Variants in NCF4 observed in about 807,000 individuals in gnomAD.
NCF4 encodes the protein neutrophil cytosol factor 4.
NCF4 carries 30 observed loss-of-function variants against 41.7 expected under a neutral mutation model. That is an observed-to-expected ratio of 0.72 (90% CI 0.54 to 0.97). The LOEUF (loss-of-function observed/expected upper bound fraction) is 0.97. NCF4 is among the 50% of genes least tolerant of loss of function. NCF4 has a pLI of 0.00. For missense variants in NCF4, 432 were observed against 460.9 expected, an observed-to-expected ratio of 0.94 and a Z score of 0.57; for synonymous variants, 195 against 175.8, an observed-to-expected ratio of 1.11 and a Z score of -0.87.
chr22:36,865,725 G>A lies in NCF4; in HGVS notation c.271+653G>A, dbSNP rs1233386102. On this transcript the variant is annotated intron_variant, in intron 3 of 9. Coordinates refer to ENST00000248899, the MANE Select transcript of NCF4 (RefSeq NM_000631.5). This position sits in a 1 kb window ranked among gnomAD's most constrained non-coding sequence, Gnocchi z 4.3. ...GGGGGTGGTCTCAGCGGCGCCCTTCGTGCCCTGCAAGTTAGAGACAGGGAC... is the reference window on the plus strand; with the variant it reads ...GGGGGTGGTCTCAGCGGCGCCCTTCATGCCCTGCAAGTTAGAGACAGGGAC... 2.6e-5 allele frequency among the ~76,000 whole-genome samples: 4 copies of A among 152,160 alleles called. No homozygotes were observed. Among genetic ancestry groups the A allele is most frequent in the South Asian group, 2.1e-4 (1 of 4,828 alleles).
At chr22:36,870,360 G>A in intron 4 of NCF4, 55 bp from the exon 5 acceptor site, 8 of 1,611,710 alleles carry the variant, frequency 5.0e-6, no homozygotes, top group South Asian at 1.1e-5. Flanking sequence ...CTAGGCTGGG[G>A]TGTCCAGATC....
intron 7 of NCF4, among the ~76,000 whole-genome samples, chr22:36,873,611 G>T (rs1940131630): frequency 6.6e-6 from 1 of 152,128 alleles, no homozygotes; most frequent in African/African-American, 2.4e-5. Flanking sequence ...CTCATGCTTT[G>T]GTTCTGACCC....
rs567611718 is a variant in NCF4, at chr22:36,877,709, C to G, written c.906C>G (p.Asp302Glu). Reference protein sequence around the residue: ...GDLVRLLSDEDVALMVRQARG... With the variant: ...GDLVRLLSDEEVALMVRQARG... ...TGGTTCGGCTGCTGTCGGATGAGGA[C>G]GTAGCGCTCATGGTGCGGCAGGCTC... Residue 302 changes from aspartate (D) to glutamate (E), a missense_variant, in exon 10 of 10, where the codon GAC (aspartate) becomes GAG (glutamate). Coordinates refer to ENST00000248899, the MANE Select transcript of NCF4 (RefSeq NM_000631.5). The G allele has an allele frequency of 6.2e-7, 1 of 1,614,026 alleles. No homozygotes were observed. Among genetic ancestry groups the G allele is most frequent in the Admixed American group, 1.7e-5 (1 of 60,002 alleles).
rs1278286764 is a variant in NCF4 at position 36,875,656 on chromosome 22, A to G, written c.631A>G (p.Thr211Ala). 1.9e-6 allele frequency: 3 copies of G among 1,611,476 alleles called. No individual in the cohort carries two copies. The South Asian group carries it at 3.3e-5, about 18-fold the overall frequency. Reference sequence around the variant, plus strand: ...CATCCCTTCTCTTCCTCTGCAGGGCACTGTCCGGGGAGCCACGGGCATCTT... The same window carrying G: ...CATCCCTTCTCTTCCTCTGCAGGGCGCTGTCCGGGGAGCCACGGGCATCTT... ...SRINKDWLEGTVRGATGIFPL... is the reference protein window; with the variant it reads ...SRINKDWLEGAVRGATGIFPL... The change falls in exon 8 of 10, where the codon ACT becomes GCT. Residue 211 changes from threonine to alanine, a missense_variant. Coordinates refer to ENST00000248899, the MANE Select transcript of NCF4 (RefSeq NM_000631.5).
chr22:36,876,464 A>C (rs570723975), intron 9 of NCF4, among the ~76,000 whole-genome samples: 79 of 152,344 alleles, frequency 5.2e-4, no homozygotes, highest in African/African-American at 1.8e-3. Context: ...CCGCATTGCT[A>C]CATTTCTGAC....
intron 2 of NCF4, 87 bp from the exon 3 acceptor site, chr22:36,864,826 TTCCTCC>T: frequency 1.3e-6 from 2 of 1,483,996 alleles, no homozygotes; most frequent in Non-Finnish European, 1.9e-6. Context: ...CCTCATCATC[TTCCTCC>T]TCCTCCTCCT....
chr22:36,864,202 C>T (rs1470067044), intron 2 of NCF4, 73 bp downstream of exon 2: 4 of 1,231,288 alleles, frequency 3.2e-6, no homozygotes, highest in Non-Finnish European at 4.7e-6. Flanking sequence ...ACCTTGCCCT[C>T]TGACCTCTGA....
In NCF4 at chr22:36,876,029, G is replaced by C; in HGVS notation, c.759G>C (p.Lys253Asn). Reference sequence around the variant, plus strand: ...TTACTCCAGCCTGTCACCCCCTTAGGGACATCGCGGTGGAGGAAGATCTCA... The same window carrying C: ...TTACTCCAGCCTGTCACCCCCTTAGCGACATCGCGGTGGAGGAAGATCTCA... ...YYYEDTISTIKDIAVEEDLSS... is the reference protein window; with the variant it reads ...YYYEDTISTINDIAVEEDLSS... Residue 253 changes from lysine (K) to asparagine (N), a missense_variant and splice_region_variant, in exon 9 of 10, where the codon AAG (lysine) becomes AAC (asparagine). Lys to Asn is a moderately conservative substitution (Grantham distance 94). Coordinates refer to ENST00000248899, the MANE Select transcript of NCF4 (RefSeq NM_000631.5). 5 of 1,613,270 alleles carry C rather than the reference G, an allele frequency of 3.1e-6. No individual in the cohort carries two copies. The highest frequency in any genetic ancestry group is 4.2e-6 in the Non-Finnish European group (5 of 1,179,346).
intron 5 of NCF4, 118 bp downstream of exon 5, chr22:36,870,660 T>G: frequency 7.3e-7 from 1 of 1,373,214 alleles, no homozygotes; most frequent in African/African-American, 1.4e-5. Flanking sequence ...CCCTGGACAC[T>G]CCAGGATGAT....
rs562910076 is a variant in NCF4, at chr22:36,869,481, C to T, written c.343-934C>T. 1.6e-4 allele frequency among the ~76,000 whole-genome samples: 25 copies of T among 152,296 alleles called. 2 individuals are homozygous for T. The South Asian group carries it at 5.2e-3, about 32-fold the overall frequency. On this transcript the variant is annotated intron_variant, in intron 4 of 9. Coordinates refer to ENST00000248899, the MANE Select transcript of NCF4 (RefSeq NM_000631.5). Reference sequence around the variant, plus strand: ...CACCTCCCAGGCTGTCCCCATATGACAGCCTTTTCCGGGCTCTGCATCCCC... The same window carrying T: ...CACCTCCCAGGCTGTCCCCATATGATAGCCTTTTCCGGGCTCTGCATCCCC...
intron 4 of NCF4, 112 bp downstream of exon 4, chr22:36,867,574 C>A: frequency 8.8e-7 from 1 of 1,141,160 alleles, no homozygotes; most frequent in Non-Finnish European, 1.3e-6. Flanking sequence ...CTCTCTGGCT[C>A]TGATGGCCCC....
chr22:36,876,026 T>C lies in NCF4; in HGVS notation c.759-3T>C, dbSNP rs1940185864. The C allele has an allele frequency of 6.2e-7, 1 of 1,613,304 alleles. No individual in the cohort carries two copies. Among genetic ancestry groups the C allele is most frequent in the Non-Finnish European group, 8.5e-7 (1 of 1,179,466 alleles). ...TCCTTACTCCAGCCTGTCACCCCCT[T>C]AGGGACATCGCGGTGGAGGAAGATC... On this transcript the variant is annotated splice_region_variant and splice_polypyrimidine_tract_variant and intron_variant, in intron 8 of 9. Coordinates refer to ENST00000248899, the MANE Select transcript of NCF4 (RefSeq NM_000631.5).
chr22:36,866,756 G>T (rs1449901087), intron 3 of NCF4, among the ~76,000 whole-genome samples: 3 of 152,134 alleles, frequency 2.0e-5, no homozygotes, highest in Non-Finnish European at 2.9e-5. Context: ...GGGGACATTT[G>T]TCTCTTGGTA....
Position 36,867,447 on chromosome 22 carries a change from C to T in NCF4, c.327C>T (p.Leu109=). 1 of 1,614,190 alleles carries T rather than the reference C, an allele frequency of 6.2e-7. No individual in the cohort carries two copies. Among genetic ancestry groups the T allele is most frequent in the Non-Finnish European group, 8.5e-7 (1 of 1,180,028 alleles). Residue 109 remains leucine, a synonymous_variant, in exon 4 of 10, where the codon CTC becomes CTT. Transcript: ENST00000248899. ...TCGCCGAGATGCGGATACCTGCCCT[C>T]AACGCCTACATGAAGGTACCAGTGG... ...QEIAEMRIPA[L]NAYMKSLLSL...
chr22:36,875,836 C>T (rs1940179641), intron 8 of NCF4, 53 bp downstream of exon 8: 1 of 1,614,114 alleles, frequency 6.2e-7, no homozygotes, highest in Non-Finnish European at 8.5e-7. Flanking sequence ...ATCCCTACGA[C>T]CACTGCCCCT....
chr22:36,863,731 A>G (rs1939842853), intron 1 of NCF4, among the ~76,000 whole-genome samples: 1 of 99,114 alleles, frequency 1.0e-5, no homozygotes. Context: ...ATTGACAGCA[A>G]TGTGTTAGAC....
In NCF4 at chr22:36,877,949, G is replaced by A; in HGVS notation, c.*126G>A. 1.1e-6 allele frequency: 1 copy of A among 910,344 alleles called. No homozygotes were observed. Among genetic ancestry groups the A allele is most frequent in the East Asian group, 2.6e-5 (1 of 38,074 alleles). 56.4% of individuals were successfully genotyped at this position (910,344 alleles called of 1,614,324 possible). The stretch of plus-strand genomic sequence containing the variant: ...TGTCTTTGAGGCTAATGGACCCGTG[G>A]GGCTTGTAATCTGTCTCTTTCTACT... On this transcript the variant is annotated 3_prime_UTR_variant, in exon 10 of 10. Coordinates refer to ENST00000248899, the MANE Select transcript of NCF4 (RefSeq NM_000631.5).
In NCF4 at chr22:36,865,899, T is replaced by A. The variant is rs1939916372; in HGVS notation, c.271+827T>A. On this transcript the variant is annotated intron_variant, in intron 3 of 9. Coordinates refer to ENST00000248899, the MANE Select transcript of NCF4 (RefSeq NM_000631.5). The surrounding 1 kb of genome is among the most constrained non-coding windows in gnomAD (Gnocchi z 4.3). Reference sequence around the variant, plus strand: ...CCAGCCCCACCAAGGAACTTGAAGCTCCCCCTAGGAGTCTTGCCTACTCTA... The same window carrying A: ...CCAGCCCCACCAAGGAACTTGAAGCACCCCCTAGGAGTCTTGCCTACTCTA... Among the ~76,000 whole-genome samples, 1 of 151,940 alleles carries A rather than the reference T, an allele frequency of 6.6e-6. No homozygotes were observed. The highest frequency in any genetic ancestry group is 1.9e-4 in the East Asian group (1 of 5,172).
intron 2 of NCF4, 112 bp from the exon 3 acceptor site, chr22:36,864,807 C>T (rs1170561718): frequency 1.5e-6 from 2 of 1,342,412 alleles, no homozygotes; most frequent in African/African-American, 1.4e-5. Flanking sequence ...GACCCTTCTG[C>T]ATCCTTATCC....
Sources: allele counts gnomAD v4.1 joint callset (sites outside exome capture counted in the v4.1 genomes callset), GRCh38; gene constraint gnomAD v4.1.1; non-coding constraint Gnocchi (gnomAD v3.1); transcripts MANE v1.5; gene names NCBI Gene and HGNC (gene_info 2026-07-23, HGNC 2026-07-21).